Variants in CNTN6 observed in about 807,000 individuals in gnomAD.
The protein encoded by CNTN6 is contactin 6.
In CNTN6, 137 loss-of-function variants were observed where a neutral mutation model predicts 122.8. The observed-to-expected ratio is 1.12, with a 90% CI of 0.97 to 1.29. The LOEUF is 1.29. Ranked by LOEUF, CNTN6 falls within the 50% of genes most tolerant of loss-of-function variation. CNTN6 has a pLI of 0.00. For missense variants in CNTN6, 1,634 were observed against 1,223.4 expected, an observed-to-expected ratio of 1.34 and a Z score of -5.01; for synonymous variants, 570 against 426.0, an observed-to-expected ratio of 1.34 and a Z score of -4.16.
At chr3:1,274,292 A>C (rs908212557) in intron 4 of CNTN6, among the ~76,000 whole-genome samples, 6 of 152,180 alleles carry the variant, frequency 3.9e-5, no homozygotes, top group Admixed American at 2.0e-4. Context: ...GCGCCAACAT[A>C]TGTAGGCTGA....
At chr3:1,305,963 G>A (rs1698291239) in intron 7 of CNTN6, among the ~76,000 whole-genome samples, 1 of 152,168 alleles carries the variant, frequency 6.6e-6, no homozygotes, top group South Asian at 2.1e-4. Flanking sequence ...TCTTACTAAT[G>A]TGGACATCAT....
At chr3:1,309,491 C>T (rs966064825) in intron 7 of CNTN6, among the ~76,000 whole-genome samples, 3 of 152,148 alleles carry the variant, frequency 2.0e-5, no homozygotes, top group Admixed American at 1.3e-4. Context: ...TCTGTCTATT[C>T]TTTTGCCATT....
chr3:1,373,500 A>G lies in CNTN6; in HGVS notation c.1787-104A>G, dbSNP rs1157674388. ...ATGTGCTATAAATACATTATGGTCAATATTTTACTTCCTAAGCACAACAGG... is the reference window on the plus strand; with the variant it reads ...ATGTGCTATAAATACATTATGGTCAGTATTTTACTTCCTAAGCACAACAGG... On this transcript the variant is annotated intron_variant, in intron 14 of 22. Transcript: ENST00000446702. 10 of 1,048,798 alleles carry G rather than the reference A, an allele frequency of 9.5e-6. No individual in the cohort carries two copies. The South Asian group carries it at 9.6e-5, about 10-fold the overall frequency. 65.0% of individuals were successfully genotyped at this position (1,048,798 alleles called of 1,614,324 possible).
At chr3:1,157,220 A>T (rs1014758885) in intron 2 of CNTN6, among the ~76,000 whole-genome samples, 267 of 139,914 alleles carry the variant, frequency 1.9e-3, no homozygotes, top group Non-Finnish European at 3.4e-3. Flanking sequence ...TTATTTATTT[A>T]ATTTATTTAT....
At chr3:1,161,453 ATAT>A (rs2093130649) in intron 2 of CNTN6, among the ~76,000 whole-genome samples, 2 of 150,962 alleles carry the variant, frequency 1.3e-5, no homozygotes, top group South Asian at 2.1e-4. Context: ...ATTAATTATG[ATAT>A]TATATATTTT....
chr3:1,112,350 T>C (rs892695254), intron 1 of CNTN6, among the ~76,000 whole-genome samples: 1 of 152,108 alleles, frequency 6.6e-6, no homozygotes, highest in African/African-American at 2.4e-5. Context: ...AGGACAGGCC[T>C]TTTGCAAGAT....
At chr3:1,229,459 A>C (rs1379598975) in intron 4 of CNTN6, among the ~76,000 whole-genome samples, 1 of 152,090 alleles carries the variant, frequency 6.6e-6, no homozygotes, top group Non-Finnish European at 1.5e-5. Context: ...TATTTGCTAT[A>C]CCCTCGAGTT....
At chr3:1,259,507 G>A (rs1419171034) in intron 4 of CNTN6, among the ~76,000 whole-genome samples, 1 of 152,008 alleles carries the variant, frequency 6.6e-6, no homozygotes, top group African/African-American at 2.4e-5. Flanking sequence ...TTATTTAAAT[G>A]TAATTATTTA....
chr3:1,113,627 T>C (rs909367133), intron 1 of CNTN6, among the ~76,000 whole-genome samples: 17 of 152,192 alleles, frequency 1.1e-4, no homozygotes, highest in African/African-American at 3.6e-4. Context: ...AATTTAATGA[T>C]TCTGGCAATG....
chr3:1,300,591 AAGAAAGAAAGAAAG>A (rs1201163668), intron 7 of CNTN6, among the ~76,000 whole-genome samples: 1,328 of 121,054 alleles, frequency 0.011, 23 homozygotes, highest in African/African-American at 0.053. Context: ...GAAAGAAAGA[AAGAAAGAAAGAAAG>A]AGAGAAAGAA....
intron 2 of CNTN6, among the ~76,000 whole-genome samples, chr3:1,195,863 G>A (rs1559492430): frequency 6.6e-6 from 1 of 152,020 alleles, no homozygotes; most frequent in East Asian, 1.9e-4. Flanking sequence ...TGTTCCATAC[G>A]AGACCTGTAC....
intron 11 of CNTN6, among the ~76,000 whole-genome samples, chr3:1,343,559 C>G (rs576489643): frequency 6.6e-6 from 1 of 152,116 alleles, no homozygotes. Flanking sequence ...ACATCTGGCT[C>G]TAGAAACAAA....
intron 5 of CNTN6, among the ~76,000 whole-genome samples, chr3:1,289,341 G>A (rs866015157): frequency 6.6e-6 from 1 of 152,294 alleles, no homozygotes; most frequent in South Asian, 2.1e-4. Flanking sequence ...GAAATACTAT[G>A]ACAGCAAAGA....
chr3:1,226,662 C>T (rs1200797745), intron 3 of CNTN6, among the ~76,000 whole-genome samples: 1 of 152,158 alleles, frequency 6.6e-6, no homozygotes, highest in Admixed American at 6.5e-5. Flanking sequence ...ACTGTCTACT[C>T]TTCATCAAAA....
chr3:1,239,312 T>C (rs1445812016), intron 4 of CNTN6, among the ~76,000 whole-genome samples: 2 of 152,216 alleles, frequency 1.3e-5, no homozygotes, highest in East Asian at 3.8e-4. Context: ...GTAAATGAAT[T>C]CACCAAAGTT....
chr3:1,352,541 T>C (rs1559900280), intron 12 of CNTN6, 90 bp downstream of exon 12: 1 of 1,458,480 alleles, frequency 6.9e-7, no homozygotes, highest in African/African-American at 1.4e-5. Flanking sequence ...CTGTACCATA[T>C]TGTGTATGTA....
chr3:1,381,167 C>G (rs1418043538), intron 17 of CNTN6, among the ~76,000 whole-genome samples: 1 of 152,080 alleles, frequency 6.6e-6, no homozygotes, highest in African/African-American at 2.4e-5. Flanking sequence ...GACTAAGCAT[C>G]GTGATTAAAT....
At chr3:1,311,501 A>G (rs188626756) in intron 7 of CNTN6, among the ~76,000 whole-genome samples, 2 of 98,126 alleles carry the variant, frequency 2.0e-5, no homozygotes, top group Admixed American at 9.3e-5. Context: ...ACATATATGT[A>G]CATATAAAAT....
intron 4 of CNTN6, among the ~76,000 whole-genome samples, chr3:1,242,145 T>C (rs1324774345): frequency 2.0e-5 from 3 of 152,110 alleles, no homozygotes; most frequent in Non-Finnish European, 2.9e-5. Flanking sequence ...TTGGGCTTGA[T>C]TGAAGTAATG....
Sources: gnomAD v4.1 joint callset for allele counts (sites outside exome capture counted in the v4.1 genomes callset) on GRCh38, gnomAD v4.1.1 for gene constraint, MANE v1.5 for transcripts, NCBI Gene and HGNC (gene_info 2026-07-23, HGNC 2026-07-21) for gene names.